NCOA7: variants seen among roughly 807,000 people sequenced by gnomAD.
The protein encoded by NCOA7 is 140 kDa estrogen receptor-associated protein.
In NCOA7, 45 loss-of-function variants were observed where a neutral mutation model predicts 104.3. The observed-to-expected ratio is 0.43, with a 90% CI of 0.34 to 0.55. NCOA7 has a LOEUF of 0.55. NCOA7 is among the 20% of genes least tolerant of loss of function. NCOA7 has a pLI of 0.02. For missense variants in NCOA7, 1,041 were observed against 1,119.7 expected (o/e 0.93, Z 1.00); for synonymous variants, 398 against 402.3 (o/e 0.99, Z 0.13).
chr6:125,846,495 A>C (rs1278591860), intron 2 of NCOA7, among the ~76,000 whole-genome samples: 1 of 152,058 alleles, frequency 6.6e-6, no homozygotes. Context: ...TAGAAGTCCC[A>C]GGGGGTTTAT....
chr6:125,918,246 T>C lies in NCOA7; in HGVS notation c.2245-2697T>C, dbSNP rs368702436. 2.8e-4 allele frequency among the ~76,000 whole-genome samples: 43 copies of C among 152,304 alleles called. 1 individual carries two copies. In the East Asian group the frequency reaches 7.9e-3, roughly 28 times the overall value. ...CTGTCTCCTCACCTGCTGGAGACTG[T>C]GAGCAGCTTTATGTCTCTGTGCCTG... On this transcript the variant is annotated intron_variant, in intron 11 of 15. Coordinates refer to ENST00000392477, the MANE Select transcript of NCOA7 (RefSeq NM_181782.5).
At chr6:125,812,385 C>A (rs535296578) in intron 1 of NCOA7, among the ~76,000 whole-genome samples, 1 of 152,158 alleles carries the variant, frequency 6.6e-6, no homozygotes, top group Admixed American at 6.5e-5. Context: ...AAGTTACTAC[C>A]CTACAGTTTA....
chr6:125,919,325 TAGAG>T, intron 11 of NCOA7: 1 of 1,612,764 alleles, frequency 6.2e-7, no homozygotes, highest in Non-Finnish European at 8.5e-7. Flanking sequence ...TGTTCCTCAT[TAGAG>T]AGAGAGCCAC....
chr6:125,885,367 G>C (rs960137943), intron 8 of NCOA7, 24 bp downstream of exon 8: 2 of 1,602,018 alleles, frequency 1.2e-6, no homozygotes, highest in East Asian at 4.5e-5. Flanking sequence ...TTGTTTACCA[G>C]GAAAAAAGGG....
At chr6:125,796,417 G>A (rs1241395409) in intron 1 of NCOA7, among the ~76,000 whole-genome samples, 1 of 136,266 alleles carries the variant, frequency 7.3e-6, no homozygotes, top group Non-Finnish European at 1.5e-5. Flanking sequence ...CAGGACCCCT[G>A]CAGATACCAA....
chr6:125,843,255 T>C (rs1032344168), intron 2 of NCOA7, among the ~76,000 whole-genome samples: 1 of 151,910 alleles, frequency 6.6e-6, no homozygotes, highest in Non-Finnish European at 1.5e-5. Flanking sequence ...CTTTGAAAAA[T>C]GGAGGAAGGG....
chr6:125,900,082 G>C, intron 10 of NCOA7: 6 of 530,016 alleles, frequency 1.1e-5, no homozygotes, highest in Middle Eastern at 3.2e-4. Context: ...TGTGGAATGG[G>C]GGTAAAGGAA....
chr6:125,835,175 A>G (rs1325516672), intron 2 of NCOA7, among the ~76,000 whole-genome samples: 2 of 152,226 alleles, frequency 1.3e-5, no homozygotes, highest in African/African-American at 4.8e-5. Context: ...TAGGCACACA[A>G]TCTAATCTTA....
chr6:125,790,692 G>C (rs1056120302), upstream of NCOA7: 3 of 152,072 alleles, frequency 2.0e-5, no homozygotes, highest in Non-Finnish European at 4.4e-5. Flanking sequence ...AGCTAGAGGC[G>C]GGCGTCTGCA....
Position 125,865,404 on chromosome 6 carries a change from G to A in NCOA7, c.272-9485G>A, listed in dbSNP as rs1441697479. Reference sequence around the variant, plus strand: ...CCTGTGACTTGCTTGAAGGAAGGAAGGTAGGTAACATGTACTGCATGACAT... The same window carrying A: ...CCTGTGACTTGCTTGAAGGAAGGAAAGTAGGTAACATGTACTGCATGACAT... On this transcript the variant is annotated intron_variant, in intron 3 of 15. Transcript: ENST00000392477. 2.9e-5 allele frequency among the ~76,000 whole-genome samples: 4 copies of A among 137,964 alleles called. 2 individuals carry two copies. Among genetic ancestry groups the A allele is most frequent in the Admixed American group, 2.7e-4 (4 of 14,578 alleles). The allele number at this position is 137,964 out of a possible 152,430, so 90.5% of individuals were successfully genotyped here.
intron 10 of NCOA7, among the ~76,000 whole-genome samples, chr6:125,899,014 GATCATAC>G (rs1785273925): frequency 6.6e-6 from 1 of 151,968 alleles, no homozygotes; most frequent in Non-Finnish European, 1.5e-5. Context: ...ATACTATATA[GATCATAC>G]ATATATAGTA....
At chr6:125,843,407 G>A (rs1427216889) in intron 2 of NCOA7, among the ~76,000 whole-genome samples, 2 of 152,154 alleles carry the variant, frequency 1.3e-5, no homozygotes, top group African/African-American at 4.8e-5. Flanking sequence ...GAGAATAAAT[G>A]TGTGTTAAGT....
chr6:125,898,666 A>C (rs1785243836), intron 10 of NCOA7, among the ~76,000 whole-genome samples: 1 of 152,172 alleles, frequency 6.6e-6, no homozygotes, highest in Non-Finnish European at 1.5e-5. Flanking sequence ...AAAATATCTT[A>C]AGCCTTCAGG....
At chr6:125,886,013 G>T (rs1436714242) in intron 8 of NCOA7, among the ~76,000 whole-genome samples, 6 of 152,134 alleles carry the variant, frequency 3.9e-5, no homozygotes, top group Admixed American at 2.6e-4. Flanking sequence ...AACTGATACA[G>T]ATAATCTGAT....
chr6:125,844,979 C>A (rs1691312948), intron 2 of NCOA7, among the ~76,000 whole-genome samples: 1 of 152,120 alleles, frequency 6.6e-6, no homozygotes, highest in Non-Finnish European at 1.5e-5. Context: ...CCATTAAAAA[C>A]CCATTGGAGG....
intron 1 of NCOA7, among the ~76,000 whole-genome samples, chr6:125,813,449 A>AT (rs36073060): frequency 0.055 from 7,416 of 135,666 alleles, 464 homozygotes; most frequent in African/African-American, 0.16. Context: ...GGGAAATGCA[A>AT]TTTTTTTTTT....
chr6:125,859,587 A>G (rs1022747246), intron 3 of NCOA7, among the ~76,000 whole-genome samples: 2 of 152,120 alleles, frequency 1.3e-5, no homozygotes, highest in Non-Finnish European at 2.9e-5. Flanking sequence ...TATTACACAT[A>G]GTTATTTTTA....
At chr6:125,828,426 T>A (rs1231946580) in intron 2 of NCOA7, among the ~76,000 whole-genome samples, 1 of 152,138 alleles carries the variant, frequency 6.6e-6, no homozygotes, top group Non-Finnish European at 1.5e-5. Context: ...TTGATGTGAA[T>A]AGGAGGTAAG....
At chr6:125,846,227 T>C (rs146696829) in intron 2 of NCOA7, among the ~76,000 whole-genome samples, 1 of 152,260 alleles carries the variant, frequency 6.6e-6, no homozygotes, top group Non-Finnish European at 1.5e-5. Flanking sequence ...CTGACTGTCT[T>C]GGCTTCTGGA....
Sources: gnomAD v4.1 joint callset for allele counts (sites outside exome capture counted in the v4.1 genomes callset) on GRCh38, gnomAD v4.1.1 for gene constraint, MANE v1.5 for transcripts, NCBI Gene and HGNC (gene_info 2026-07-23, HGNC 2026-07-21) for gene names.